SIGLEC6: variants seen among roughly 807,000 people sequenced by gnomAD.
SIGLEC6 encodes the protein sialic acid binding Ig like lectin 6, also known as sialic acid-binding Ig-like lectin 6.
SIGLEC6 carries 31 observed loss-of-function variants against 41.4 expected under a neutral mutation model. That is an observed-to-expected ratio of 0.75 (90% confidence interval 0.56 to 1.01). SIGLEC6 has a LOEUF of 1.01. Ranked by LOEUF, SIGLEC6 falls within the 50% of genes least tolerant of loss-of-function variation. The probability of loss-of-function intolerance (pLI) is 0.00; values close to 1 mark genes in which losing one functional copy is unlikely to be tolerated. For synonymous variants in SIGLEC6, 217 were observed against 231.0 expected (o/e 0.94, Z 0.55); for missense variants, 555 against 558.6 (o/e 0.99, Z 0.06).
intron 7 of SIGLEC6, among the ~76,000 whole-genome samples, chr19:51,521,525 C>T (rs1990937203): frequency 6.6e-6 from 1 of 152,040 alleles, no homozygotes. Context: ...TGGCAAAGTC[C>T]GAGACTAAAG....
chr19:51,530,589 T>C, intron 3 of SIGLEC6, 92 bp downstream of exon 3: 1 of 1,606,460 alleles, frequency 6.2e-7, no homozygotes, highest in Non-Finnish European at 8.5e-7. Context: ...CTCTCCTCTT[T>C]GGCAACCAGG....
At chr19:51,525,951 T>A (rs907455031) in intron 7 of SIGLEC6, among the ~76,000 whole-genome samples, 1 of 152,012 alleles carries the variant, frequency 6.6e-6, no homozygotes, top group Non-Finnish European at 1.5e-5. Context: ...TGGTGGAACC[T>A]CCAGCATGCC....
chr19:51,530,197 T>G (rs1980017155), intron 4 of SIGLEC6, among the ~76,000 whole-genome samples: 1 of 151,946 alleles, frequency 6.6e-6, no homozygotes. Flanking sequence ...GGCAGACAAG[T>G]GCCATTCCTG....
At position 51,528,216 on chromosome 19, in the gene SIGLEC6, T is replaced by G; in HGVS notation, c.1050A>C (p.Ala350=). Residue 350 remains alanine (A), a synonymous_variant, in exon 6 of 8, where the codon GCA becomes GCC. Transcript: ENST00000425629. The part of the protein sequence containing the change: ...PEGRAGGVLG[A]VWGASITTLV... ...GGGTTGTGATGCTAGCTCCCCAGAC[T>G]GCTCCCAGGACACCACCAGCCCTGC... 6.2e-7 allele frequency: 1 copy of G among 1,614,198 alleles called. No individual in the cohort carries two copies. The highest frequency in any genetic ancestry group is 8.5e-7 in the Non-Finnish European group (1 of 1,180,026).
chr19:51,525,359 G>C (rs1979035646), intron 7 of SIGLEC6, among the ~76,000 whole-genome samples: 3 of 152,168 alleles, frequency 2.0e-5, no homozygotes, highest in African/African-American at 7.2e-5. Flanking sequence ...CTCCCCCGAG[G>C]CTGGAGAAGG....
chr19:51,527,506 C>CG (rs1568550620), intron 7 of SIGLEC6, among the ~76,000 whole-genome samples: 3 of 151,330 alleles, frequency 2.0e-5, no homozygotes, highest in African/African-American at 7.3e-5. Context: ...GCATAAATAC[C>CG]CCCAGCAAAT....
In SIGLEC6 at chr19:51,531,442, C is replaced by T. The variant is rs759524109; in HGVS notation, c.145G>A (p.Val49Ile). The T allele has an allele frequency of 6.2e-6, 10 of 1,614,076 alleles. No homozygotes were observed. Among genetic ancestry groups the T allele is most frequent in the African/African-American group, 2.7e-5 (2 of 75,024 alleles). The change falls in exon 2 of 8, where the codon GTA (valine) becomes ATA (isoleucine). Residue 49 changes from valine to isoleucine, a missense_variant. By Grantham distance (29) the Val-to-Ile change is conservative (BLOSUM62 3). Transcript: ENST00000425629. ...LTVQEGLCVL[V>I]PCRLPTTLPA... ...AGGGTAGTGGGCAATCTGCAGGGTA[C>T]GAGGACGCACAGACCCTCCTGCACC...
In SIGLEC6 at chr19:51,525,604, C is replaced by A. The variant is rs180978072; in HGVS notation, c.1188+2143G>T. On this transcript the variant is annotated intron_variant, in intron 7 of 7. Coordinates refer to ENST00000425629, the MANE Select transcript of SIGLEC6 (RefSeq NM_001245.7). ...CACAGGCTCTTTGCCATTGCCACTG[C>A]AGTGGTACTGCCCTTGATGTCTTCA... is the stretch of plus-strand genomic sequence containing the variant. Among the ~76,000 whole-genome samples the A allele has an allele frequency of 3.3e-5, 5 of 152,326 alleles. No homozygotes were observed. The East Asian group carries it at 9.6e-4, about 29-fold the overall frequency.
At chr19:51,526,722 A>C (rs1400293291) in intron 7 of SIGLEC6, among the ~76,000 whole-genome samples, 1 of 152,204 alleles carries the variant, frequency 6.6e-6, no homozygotes, top group African/African-American at 2.4e-5. Flanking sequence ...CAGACGAAAA[A>C]TTCAGAATCT....
At chr19:51,523,521 C>T (rs1978652237) in intron 7 of SIGLEC6, among the ~76,000 whole-genome samples, 1 of 152,176 alleles carries the variant, frequency 6.6e-6, no homozygotes, top group Non-Finnish European at 1.5e-5. Flanking sequence ...TGTCATAATC[C>T]TATTGCTGAA....
intron 7 of SIGLEC6, among the ~76,000 whole-genome samples, chr19:51,526,170 C>T (rs570502768): frequency 5.3e-5 from 8 of 152,186 alleles, no homozygotes; most frequent in Non-Finnish European, 1.2e-4. Context: ...TTCCAAGGTC[C>T]CTGCCCCTGC....
rs1382687434 is a variant in SIGLEC6, at chr19:51,530,874, G to A, written c.513C>T (p.Val171=). ...PSNLTCSVPW[V]CEQGTPPIFS... ...AGATGGGGGGCGTCCCCTGCTCACAGACCCAGGGCACAGAGCAGGTCAGAT... is the reference window on the plus strand; with the variant it reads ...AGATGGGGGGCGTCCCCTGCTCACAAACCCAGGGCACAGAGCAGGTCAGAT... Residue 171 remains valine (V), a synonymous_variant, in exon 3 of 8, where the codon GTC becomes GTT. Transcript: ENST00000425629. 1 of 1,613,908 alleles carries A rather than the reference G, an allele frequency of 6.2e-7. No individual in the cohort carries two copies. Among genetic ancestry groups the A allele is most frequent in the South Asian group, 1.1e-5 (1 of 91,084 alleles).
Position 51,530,865 on chromosome 19 carries a change from C to T in SIGLEC6, c.522G>A (p.Gln174=), listed in dbSNP as rs752024856. 6.2e-7 allele frequency: 1 copy of T among 1,613,916 alleles called. No individual in the cohort carries two copies. The highest frequency in any genetic ancestry group is 1.1e-5 in the South Asian group (1 of 91,088). ...LTCSVPWVCE[Q]GTPPIFSWMS... ...TCCAGGAGAAGATGGGGGGCGTCCCCTGCTCACAGACCCAGGGCACAGAGC... is the reference window on the plus strand; with the variant it reads ...TCCAGGAGAAGATGGGGGGCGTCCCTTGCTCACAGACCCAGGGCACAGAGC... The change falls in exon 3 of 8, where the codon CAG becomes CAA. Residue 174 remains glutamine (Q), a synonymous_variant. Coordinates refer to ENST00000425629, the MANE Select transcript of SIGLEC6 (RefSeq NM_001245.7).
chr19:51,527,470 A>C (rs1979422195), intron 7 of SIGLEC6, among the ~76,000 whole-genome samples: 1 of 149,562 alleles, frequency 6.7e-6, no homozygotes, highest in Non-Finnish European at 1.5e-5. Context: ...ATATTCCAGG[A>C]AATATGATAA....
chr19:51,531,079 C>G, intron 2 of SIGLEC6, 81 bp downstream of exon 2: 2 of 1,553,466 alleles, frequency 1.3e-6, no homozygotes, highest in Non-Finnish European at 1.7e-6. Flanking sequence ...ACCCGCCTCC[C>G]AAGACGGGGC....
chr19:51,524,969 T>C (rs1978957884), intron 7 of SIGLEC6, among the ~76,000 whole-genome samples: 1 of 152,168 alleles, frequency 6.6e-6, no homozygotes. Flanking sequence ...AGAGATCCCC[T>C]GAAGCCTCCA....
Position 51,522,743 on chromosome 19 carries a change from A to G in SIGLEC6, c.1189-2488T>C, listed in dbSNP as rs149429556. On this transcript the variant is annotated intron_variant, in intron 7 of 7. Coordinates refer to ENST00000425629, the MANE Select transcript of SIGLEC6 (RefSeq NM_001245.7). ...GAAGTGGAGGTTGCAGTGAACTGAGAACATGCCATTGCACTCCACCCTGGG... is the reference window on the plus strand; with the variant it reads ...GAAGTGGAGGTTGCAGTGAACTGAGGACATGCCATTGCACTCCACCCTGGG... Among the ~76,000 whole-genome samples, 123 of 152,326 alleles carry G rather than the reference A, an allele frequency of 8.1e-4. 1 individual carries two copies. Among genetic ancestry groups the G allele is most frequent in the African/African-American group, 2.8e-3 (115 of 41,576 alleles).
At position 51,518,519 on chromosome 19, in the gene SIGLEC6, T is replaced by C. The variant is rs1344757687; in HGVS notation, c.*1563A>G. ...CCACACCGAGCTAATTTTTGTATTT[T>C]AGTAGAGATGGGGTTTCACCATGTT... On this transcript the variant is annotated 3_prime_UTR_variant, in exon 8 of 8. Transcript: ENST00000425629. 6.6e-6 allele frequency among the ~76,000 whole-genome samples: 1 copy of C among 152,156 alleles called. No individual in the cohort carries two copies. Among genetic ancestry groups the C allele is most frequent in the Non-Finnish European group, 1.5e-5 (1 of 68,032 alleles).
chr19:51,529,955 A>G lies in SIGLEC6; in HGVS notation c.781T>C (p.Ser261Pro). ...GCCTGGCCCTCCAGGACAGGGAGGG[A>G]CGAGGTGTTTTGCAGGATTTTGAAG... is the stretch of plus-strand genomic sequence containing the variant. ...AAFKILQNTS[S>P]LPVLEGQALR... is the part of the protein sequence containing the mutation. The change falls in exon 5 of 8, where the codon TCC becomes CCC. Residue 261 changes from serine to proline, a missense_variant. Transcript: ENST00000425629. 1 of 1,602,442 alleles carries G rather than the reference A, an allele frequency of 6.2e-7. No individual in the cohort carries two copies. Among genetic ancestry groups the G allele is most frequent in the Admixed American group, 1.7e-5 (1 of 58,676 alleles).
Sources: allele counts gnomAD v4.1 joint callset (sites outside exome capture counted in the v4.1 genomes callset), GRCh38; gene constraint gnomAD v4.1.1; transcripts MANE v1.5; gene names NCBI Gene and HGNC (gene_info 2026-07-23, HGNC 2026-07-21).